Variants in UHRF2 observed in about 807,000 individuals in gnomAD.
UHRF2 encodes E3 ubiquitin-protein ligase UHRF2.
A neutral mutation model predicts 96.8 loss-of-function variants in UHRF2; 23 were observed. The ratio of observed to expected loss-of-function variants is 0.24; its 90% CI spans 0.17 to 0.34. The LOEUF is 0.34. UHRF2 is among the 10% of genes least tolerant of loss of function. The probability of loss-of-function intolerance (pLI) is 1.00; values close to 1 mark genes in which losing one functional copy is unlikely to be tolerated. For missense variants in UHRF2, 685 were observed against 981.5 expected, an observed-to-expected ratio of 0.70 and a Z score of 4.04; for synonymous variants, 385 against 332.6, an observed-to-expected ratio of 1.16 and a Z score of -1.72.
intron 5 of UHRF2, among the ~76,000 whole-genome samples, chr9:6,477,381 C>T (rs1009695199): frequency 8.6e-5 from 13 of 151,898 alleles, no homozygotes; most frequent in African/African-American, 2.9e-4. Flanking sequence ...AAAAAATTAG[C>T]CAGGCGTGGT....
At chr9:6,465,943 A>G (rs1193277875) in intron 4 of UHRF2, among the ~76,000 whole-genome samples, 1 of 152,220 alleles carries the variant, frequency 6.6e-6, no homozygotes, top group Non-Finnish European at 1.5e-5. Flanking sequence ...GCTTTGAAAA[A>G]AATTGAAAAC....
intron 8 of UHRF2, among the ~76,000 whole-genome samples, chr9:6,483,229 G>T (rs1223968748): frequency 1.3e-5 from 2 of 151,444 alleles, no homozygotes; most frequent in Middle Eastern, 3.4e-3. Flanking sequence ...GGAGGCTGAG[G>T]CAGGGGAATT....
chr9:6,469,390 T>G (rs1320047059), intron 4 of UHRF2, among the ~76,000 whole-genome samples: 2 of 151,670 alleles, frequency 1.3e-5, no homozygotes, highest in Non-Finnish European at 2.9e-5. Context: ...TGGTGGCAGG[T>G]GCCTGTAGTC....
intron 1 of UHRF2, among the ~76,000 whole-genome samples, chr9:6,417,631 A>G (rs911820178): frequency 6.6e-6 from 1 of 152,192 alleles, no homozygotes; most frequent in African/African-American, 2.4e-5. Context: ...TATTGTAGGA[A>G]GACTGGAGGA....
Position 6,413,338 on chromosome 9 carries a change from T to C in UHRF2, c.-153T>C, listed in dbSNP as rs1029152501. 1.0e-5 allele frequency: 7 copies of C among 682,730 alleles called. No individual in the cohort carries two copies. Among genetic ancestry groups the C allele is most frequent in the Non-Finnish European group, 1.4e-5 (7 of 518,094 alleles). 42.3% of individuals were successfully genotyped at this position (682,730 alleles called of 1,614,324 possible). A position where few individuals can be genotyped will look rare whatever the true frequency, so the allele number is the denominator to read the frequency against. On this transcript the variant is annotated 5_prime_UTR_variant, in exon 1 of 16. Coordinates refer to ENST00000276893, the MANE Select transcript of UHRF2 (RefSeq NM_152896.3). ...GCGCGCGCTGAGAGTCGTCGCCGCC[T>C]GTCGGGCCCGGCGTCCGGTCGGTCC...
intron 12 of UHRF2, 45 bp downstream of exon 12, chr9:6,498,203 T>C (rs764735070): frequency 3.8e-6 from 6 of 1,592,148 alleles, no homozygotes; most frequent in East Asian, 2.2e-5. Context: ...CATAAAAATA[T>C]ACACCTCTTC....
At chr9:6,477,371 A>C (rs892209684) in intron 5 of UHRF2, among the ~76,000 whole-genome samples, 1 of 151,088 alleles carries the variant, frequency 6.6e-6, no homozygotes, top group African/African-American at 2.4e-5. Context: ...CTAAAAAATA[A>C]AAAAATTAGC....
At chr9:6,492,013 A>G (rs1402549231) in intron 9 of UHRF2, among the ~76,000 whole-genome samples, 1 of 152,244 alleles carries the variant, frequency 6.6e-6, no homozygotes, top group Non-Finnish European at 1.5e-5. Context: ...GATTACAGGC[A>G]TGAATCATTG....
intron 14 of UHRF2, 175 bp from the exon 15 acceptor site, chr9:6,504,418 C>T (rs1023143114): frequency 5.1e-5 from 25 of 488,718 alleles, no homozygotes; most frequent in Middle Eastern, 5.5e-4. Context: ...TTGATATGTT[C>T]ATATAACATA....
chr9:6,497,986 T>C, intron 11 of UHRF2, 32 bp from the exon 12 acceptor site: 2 of 1,607,592 alleles, frequency 1.2e-6, no homozygotes, highest in Non-Finnish European at 1.7e-6. Context: ...AAATTTTAAA[T>C]CTCAAACTGG....
chr9:6,477,396 C>T (rs760644823), intron 5 of UHRF2, among the ~76,000 whole-genome samples: 2 of 151,132 alleles, frequency 1.3e-5, no homozygotes, highest in African/African-American at 2.4e-5. Context: ...CGTGGTGGCA[C>T]ATGCCTGTAA....
At chr9:6,493,075 A>T (rs998934645) in intron 9 of UHRF2, among the ~76,000 whole-genome samples, 2 of 152,130 alleles carry the variant, frequency 1.3e-5, no homozygotes, top group African/African-American at 4.8e-5. Context: ...AGGCGGGTGG[A>T]TCACTTGAGA....
intron 4 of UHRF2, among the ~76,000 whole-genome samples, chr9:6,468,971 C>T (rs889983803): frequency 6.6e-6 from 1 of 152,128 alleles, no homozygotes; most frequent in Non-Finnish European, 1.5e-5. Flanking sequence ...GCTTTTGGCT[C>T]CATGACGGAG....
Position 6,506,616 on chromosome 9 carries a change from G to A in UHRF2, c.*437G>A, listed in dbSNP as rs1384153077. 2 of 154,786 alleles carry A rather than the reference G, an allele frequency of 1.3e-5. No homozygotes were observed. Among genetic ancestry groups the A allele is most frequent in the Non-Finnish European group, 2.9e-5 (2 of 69,510 alleles). 9.6% of individuals were successfully genotyped at this position (154,786 alleles called of 1,614,324 possible). A position where few individuals can be genotyped will look rare whatever the true frequency, so the allele number is the denominator to read the frequency against. ...AAATGACACTTGAGATCCTTGGAAT[G>A]AACACAGCTTCTAAAGTGTGCATAT... On this transcript the variant is annotated 3_prime_UTR_variant, in exon 16 of 16. Transcript: ENST00000276893.
rs561534743 is a variant in UHRF2 at position 6,421,636 on chromosome 9, C to G, written c.384+494C>G. 2.6e-5 allele frequency among the ~76,000 whole-genome samples: 4 copies of G among 152,184 alleles called. No individual in the cohort carries two copies. In the South Asian group the frequency reaches 6.2e-4, roughly 24 times the overall value. ...TTCACCATGTAGGCCAGGCTAGTCT[C>G]GAACTCCTGACCTCAGGTGGTCCGC... On this transcript the variant is annotated intron_variant, in intron 2 of 15. Coordinates refer to ENST00000276893, the MANE Select transcript of UHRF2 (RefSeq NM_152896.3).
Position 6,507,006 on chromosome 9 carries a change from A to G in UHRF2, c.*827A>G, listed in dbSNP as rs1044642. ...TATTGTGATCCTAAATTTTATATTCACTATATTCCCTAAAGTATACCTTAA... is the reference window on the plus strand; with the variant it reads ...TATTGTGATCCTAAATTTTATATTCGCTATATTCCCTAAAGTATACCTTAA... On this transcript the variant is annotated 3_prime_UTR_variant, in exon 16 of 16. Transcript: ENST00000276893. The G allele has an allele frequency of 6.6e-6, 1 of 152,498 alleles. No individual in the cohort carries two copies. Among genetic ancestry groups the G allele is most frequent in the Non-Finnish European group, 1.5e-5 (1 of 68,042 alleles). The allele number at this position is 152,498 out of a possible 1,614,324, so 9.4% of individuals were successfully genotyped here.
chr9:6,486,785 A>G (rs1377550916), intron 8 of UHRF2, 36 bp from the exon 9 acceptor site: 1 of 1,596,240 alleles, frequency 6.3e-7, no homozygotes, highest in Non-Finnish European at 8.6e-7. Context: ...TTAACTGTTC[A>G]GAGGTATTTT....
chr9:6,470,852 T>C (rs1167289221), intron 4 of UHRF2, among the ~76,000 whole-genome samples: 3 of 152,204 alleles, frequency 2.0e-5, no homozygotes, highest in African/African-American at 7.2e-5. Flanking sequence ...TAATCCAAAA[T>C]AAGGCAATTG....
intron 9 of UHRF2, among the ~76,000 whole-genome samples, chr9:6,491,074 AG>A (rs913817037): frequency 6.6e-6 from 1 of 152,224 alleles, no homozygotes; most frequent in African/African-American, 2.4e-5. Context: ...TTAATATTTT[AG>A]CCTAGTAACT....
Sources: allele counts gnomAD v4.1 joint callset (sites outside exome capture counted in the v4.1 genomes callset), GRCh38; gene constraint gnomAD v4.1.1; transcripts MANE v1.5; gene names NCBI Gene and HGNC (gene_info 2026-07-23, HGNC 2026-07-21).